LRMDA: variants seen among roughly 807,000 people sequenced by gnomAD.
LRMDA encodes the protein leucine-rich melanocyte differentiation-associated protein.
A neutral mutation model predicts 29.8 loss-of-function variants in LRMDA; 18 were observed. That is an observed-to-expected ratio of 0.60 (90% CI 0.42 to 0.90). The LOEUF (loss-of-function observed/expected upper bound fraction) is 0.90. Ranked by LOEUF, LRMDA falls within the 40% of genes least tolerant of loss-of-function variation. The pLI, the probability that LRMDA is intolerant of heterozygous loss-of-function variation, is 0.00. For synonymous variants in LRMDA, 125 were observed against 109.4 expected (o/e 1.14, Z -0.89); for missense variants, 273 against 273.9 (o/e 1.00, Z 0.02).
intron 2 of LRMDA, among the ~76,000 whole-genome samples, chr10:75,484,195 G>GGTGA: frequency 6.6e-6 from 1 of 152,078 alleles, no homozygotes; most frequent in Admixed American, 6.5e-5. Flanking sequence ...GGCTCAAGCA[G>GGTGA]TCTTCCCATC....
intron 2 of LRMDA, among the ~76,000 whole-genome samples, chr10:75,714,946 C>T (rs557789091): frequency 1.3e-5 from 2 of 149,728 alleles, no homozygotes; most frequent in Admixed American, 6.7e-5. Flanking sequence ...TCTTCTCACA[C>T]GTAGAGCCAT....
At chr10:76,458,721 T>G (rs3740240) in intron 6 of LRMDA, among the ~76,000 whole-genome samples, 98,926 of 151,530 alleles carry the variant, frequency 0.65, 34,060 homozygotes, top group Non-Finnish European at 0.78. Context: ...AAGCCCAGCT[T>G]CACAGGGGCC....
intron 2 of LRMDA, among the ~76,000 whole-genome samples, chr10:75,702,477 G>T (rs1842320440): frequency 6.6e-6 from 1 of 152,150 alleles, no homozygotes; most frequent in South Asian, 2.1e-4. Flanking sequence ...CTAGATGCGG[G>T]TATTGGGTCT....
intron 5 of LRMDA, among the ~76,000 whole-genome samples, chr10:76,322,510 C>A (rs1452253426): frequency 6.6e-6 from 1 of 152,140 alleles, no homozygotes; most frequent in African/African-American, 2.4e-5. Context: ...CAACAGAAGC[C>A]ACACCATTTT....
intron 2 of LRMDA, among the ~76,000 whole-genome samples, chr10:75,632,783 T>TG (rs1564526961): frequency 1.6e-5 from 1 of 62,718 alleles, no homozygotes; most frequent in Non-Finnish European, 3.5e-5. Flanking sequence ...TTTAGTTTAG[T>TG]TTTTTTTTTT....
intron 2 of LRMDA, among the ~76,000 whole-genome samples, chr10:75,751,561 A>G (rs1211788091): frequency 6.6e-6 from 1 of 152,102 alleles, no homozygotes; most frequent in East Asian, 1.9e-4. Flanking sequence ...AATTGTATCT[A>G]CCTCAAAGAA....
intron 5 of LRMDA, among the ~76,000 whole-genome samples, chr10:76,146,227 A>T (rs988258637): frequency 2.6e-4 from 39 of 152,092 alleles, no homozygotes; most frequent in African/African-American, 6.5e-4. Flanking sequence ...CAGAGCTGAG[A>T]TCAATTCCTG....
At chr10:75,582,828 A>G (rs544896650) in intron 2 of LRMDA, among the ~76,000 whole-genome samples, 24 of 152,284 alleles carry the variant, frequency 1.6e-4, no homozygotes, top group African/African-American at 5.3e-4. Flanking sequence ...GCTCGTGCAT[A>G]TAAGCATAGG....
intron 2 of LRMDA, among the ~76,000 whole-genome samples, chr10:75,799,611 T>C (rs1167973942): frequency 6.6e-6 from 1 of 151,290 alleles, no homozygotes; most frequent in African/African-American, 2.4e-5. Flanking sequence ...GCCTCCCGGG[T>C]TCAAGTGATT....
At chr10:75,787,366 C>T (rs151256495) in intron 2 of LRMDA, among the ~76,000 whole-genome samples, 93 of 152,258 alleles carry the variant, frequency 6.1e-4, no homozygotes, top group African/African-American at 2.0e-3. Flanking sequence ...TACCTGATCA[C>T]GTTTCATCAG....
chr10:76,329,619 A>C (rs190377171), intron 6 of LRMDA, among the ~76,000 whole-genome samples: 1 of 152,216 alleles, frequency 6.6e-6, no homozygotes, highest in Admixed American at 6.5e-5. Context: ...TTAGGTACTC[A>C]TCTTCCTCTC....
At chr10:76,466,974 T>A (rs1027135013) in intron 6 of LRMDA, among the ~76,000 whole-genome samples, 1 of 152,196 alleles carries the variant, frequency 6.6e-6, no homozygotes, top group Non-Finnish European at 1.5e-5. Flanking sequence ...ATCATAAGGA[T>A]GTATCATCAC....
chr10:75,652,713 T>G (rs1057235580), intron 2 of LRMDA, among the ~76,000 whole-genome samples: 2 of 152,170 alleles, frequency 1.3e-5, no homozygotes, highest in African/African-American at 4.8e-5. Flanking sequence ...CTATCAGACA[T>G]GTATTCTGGG....
chr10:76,033,854 C>T (rs1432626293), intron 2 of LRMDA, among the ~76,000 whole-genome samples: 1 of 152,128 alleles, frequency 6.6e-6, no homozygotes, highest in Non-Finnish European at 1.5e-5. Flanking sequence ...CGAAAGTCCC[C>T]TGCACAAGCC....
At chr10:76,058,535 A>G (rs574046487) in intron 4 of LRMDA, 131 bp from the exon 5 acceptor site, 2 of 736,064 alleles carry the variant, frequency 2.7e-6, no homozygotes, top group Admixed American at 4.0e-5. Context: ...GTGAAAGAAG[A>G]GAGGAGGCGC....
chr10:75,958,930 C>T (rs1430392312), intron 2 of LRMDA, among the ~76,000 whole-genome samples: 5 of 152,116 alleles, frequency 3.3e-5, no homozygotes, highest in East Asian at 1.9e-4. Context: ...TCCCCATATA[C>T]AACCATCAGA....
chr10:75,678,294 T>A (rs1400014594), intron 2 of LRMDA, among the ~76,000 whole-genome samples: 1 of 152,204 alleles, frequency 6.6e-6, no homozygotes, highest in African/African-American at 2.4e-5. Context: ...CACCTACTTA[T>A]ATAGTATATT....
At chr10:75,873,918 G>A (rs1364643289) in intron 2 of LRMDA, among the ~76,000 whole-genome samples, 2 of 152,126 alleles carry the variant, frequency 1.3e-5, no homozygotes, top group Non-Finnish European at 2.9e-5. Context: ...TCCAGGTAAG[G>A]GTAGAATGGC....
intron 5 of LRMDA, among the ~76,000 whole-genome samples, chr10:76,216,774 C>G (rs1021192619): frequency 3.9e-5 from 6 of 152,100 alleles, no homozygotes; most frequent in Non-Finnish European, 8.8e-5. Context: ...CTCATGACAC[C>G]AGCAATTCCA....
Sources: gnomAD v4.1 joint callset for allele counts (sites outside exome capture counted in the v4.1 genomes callset) on GRCh38, gnomAD v4.1.1 for gene constraint, MANE v1.5 for transcripts, NCBI Gene and HGNC (gene_info 2026-07-23, HGNC 2026-07-21) for gene names.